The following DGKD variants were observed in gnomAD, a reference collection of about 807,000 sequenced individuals.
The protein encoded by DGKD is DAG kinase delta.
A neutral mutation model predicts 154.4 loss-of-function variants in DGKD; 68 were observed. The ratio of observed to expected loss-of-function variants is 0.44; its 90% CI spans 0.36 to 0.54. The LOEUF (loss-of-function observed/expected upper bound fraction) is 0.54, where lower values mean the gene tolerates loss of function less well. Among genes scored for constraint, DGKD ranks in the 20% least tolerant of loss-of-function variants. The probability of loss-of-function intolerance (pLI) is 0.00; values close to 1 mark genes in which losing one functional copy is unlikely to be tolerated. For synonymous variants in DGKD, 693 were observed against 638.0 expected (o/e 1.09, Z -1.30); for missense variants, 1,343 against 1,593.6 (o/e 0.84, Z 2.68).
At chr2:233,364,544 GGAA>G (rs1701934174) in intron 1 of DGKD, among the ~76,000 whole-genome samples, 1 of 152,164 alleles carries the variant, frequency 6.6e-6, no homozygotes, top group Non-Finnish European at 1.5e-5. Context: ...TCCATTTCCA[GGAA>G]GAAGAACAAA....
intron 5 of DGKD, 73 bp downstream of exon 5, chr2:233,434,974 A>G: frequency 1.3e-6 from 2 of 1,548,488 alleles, no homozygotes; most frequent in Admixed American, 1.8e-5. Context: ...TTGGAAATCC[A>G]AACCCAGTCA....
At position 233,469,503 on chromosome 2, in the gene DGKD, A is replaced by G. The variant is rs556065930; in HGVS notation, c.*43A>G. 6.5e-6 allele frequency: 10 copies of G among 1,529,296 alleles called. No homozygotes were observed. The East Asian group carries it at 2.2e-4, about 33-fold the overall frequency. 94.7% of individuals were successfully genotyped at this position (1,529,296 alleles called of 1,614,324 possible). ...TGTGGCCTCCACATCCCCGCCGCCG[A>G]GGCCTAGCCTCCGCCCTCTCAGCCT... is the stretch of plus-strand genomic sequence containing the variant. On this transcript the variant is annotated 3_prime_UTR_variant, in exon 30 of 30. Coordinates refer to ENST00000264057, the MANE Select transcript of DGKD (RefSeq NM_152879.3).
intron 1 of DGKD, chr2:233,385,879 C>T (rs200213111): frequency 1.2e-4 from 53 of 449,546 alleles, no homozygotes; most frequent in Non-Finnish European, 1.8e-4. Context: ...CAGCCTTTTC[C>T]GCTGAAACCC....
intron 3 of DGKD, among the ~76,000 whole-genome samples, chr2:233,432,766 TCATC>T (rs1288293203): frequency 6.6e-6 from 1 of 152,166 alleles, no homozygotes; most frequent in Non-Finnish European, 1.5e-5. Context: ...AAAAATCTAA[TCATC>T]CAGTTAAAAA....
intron 1 of DGKD, among the ~76,000 whole-genome samples, chr2:233,370,547 C>T (rs1234083253): frequency 1.4e-5 from 2 of 147,476 alleles, no homozygotes; most frequent in East Asian, 2.0e-4. Flanking sequence ...GGCTTATTTA[C>T]GTTGTACGTT....
At chr2:233,443,462 G>C (rs369482602) in intron 10 of DGKD, among the ~76,000 whole-genome samples, 2 of 152,064 alleles carry the variant, frequency 1.3e-5, no homozygotes, top group Admixed American at 6.5e-5. Flanking sequence ...ATCCTTTTTG[G>C]GGGGTGGTCT....
At chr2:233,388,071 G>T (rs1156744863) in intron 1 of DGKD, 186 bp from the exon 2 acceptor site, 2 of 1,362,116 alleles carry the variant, frequency 1.5e-6, no homozygotes, top group East Asian at 5.2e-5. Context: ...GACAGGATTG[G>T]TGCAACCCCC....
At chr2:233,411,076 C>T (rs2061817631) in intron 3 of DGKD, among the ~76,000 whole-genome samples, 1 of 151,980 alleles carries the variant, frequency 6.6e-6, no homozygotes, top group African/African-American at 2.4e-5. Flanking sequence ...TATGCATATT[C>T]CAGCATTTGT....
chr2:233,360,533 C>T (rs1285737505), intron 1 of DGKD, among the ~76,000 whole-genome samples: 1 of 152,046 alleles, frequency 6.6e-6, no homozygotes, highest in African/African-American at 2.4e-5. Context: ...GCTAGAATTA[C>T]AGACATGAGC....
At chr2:233,455,029 G>A (rs1478523448) in intron 19 of DGKD, among the ~76,000 whole-genome samples, 156 bp downstream of exon 19, 1 of 152,140 alleles carries the variant, frequency 6.6e-6, no homozygotes, top group African/African-American at 2.4e-5. Context: ...CAGAAGCACG[G>A]GTGCTTTCAG....
chr2:233,387,632 A>C (rs964663527), intron 1 of DGKD, among the ~76,000 whole-genome samples: 2 of 152,086 alleles, frequency 1.3e-5, no homozygotes, highest in African/African-American at 4.8e-5. Context: ...CTCGTAAGAG[A>C]ACGTCTTGTG....
intron 3 of DGKD, among the ~76,000 whole-genome samples, chr2:233,418,527 T>A (rs1301763728): frequency 6.6e-6 from 1 of 152,246 alleles, no homozygotes; most frequent in East Asian, 1.9e-4. Context: ...CTTTATGGGT[T>A]TCTAAAAAAA....
Position 233,445,097 on chromosome 2 carries a change from C to G in DGKD, c.1195-526C>G, listed in dbSNP as rs2063022500. Among the ~76,000 whole-genome samples the G allele has an allele frequency of 6.6e-6, 1 of 152,116 alleles. No homozygotes were observed. The highest frequency in any genetic ancestry group is 6.5e-5 in the Admixed American group (1 of 15,280). On this transcript the variant is annotated intron_variant, in intron 10 of 29. Transcript: ENST00000264057. The surrounding 1 kb of genome is among the most constrained non-coding windows in gnomAD (Gnocchi z 5.5). ...GCAGAGGCTGAGCTCTGGCAAGGCT[C>G]CAGGGTAGCCTCCAGACTGAGGATG...
At chr2:233,364,200 A>G (rs1406072075) in intron 1 of DGKD, among the ~76,000 whole-genome samples, 2 of 152,272 alleles carry the variant, frequency 1.3e-5, no homozygotes, top group East Asian at 3.8e-4. Context: ...CTGTGAACCC[A>G]GAATTCTGTA....
intron 1 of DGKD, among the ~76,000 whole-genome samples, chr2:233,357,014 C>G (rs1197083447): frequency 6.6e-6 from 1 of 151,802 alleles, no homozygotes; most frequent in Non-Finnish European, 1.5e-5. Context: ...ACTGAGAATG[C>G]AGGCTGCAAT....
At chr2:233,393,718 C>T (rs1385309266) in intron 3 of DGKD, among the ~76,000 whole-genome samples, 2 of 146,734 alleles carry the variant, frequency 1.4e-5, no homozygotes, top group African/African-American at 2.5e-5. Flanking sequence ...GAGTCTTGCT[C>T]CGTTGCCCAG....
chr2:233,405,833 A>T (rs838730), intron 3 of DGKD, among the ~76,000 whole-genome samples: 47,797 of 152,212 alleles, frequency 0.31, 8,483 homozygotes, highest in Middle Eastern at 0.45. Flanking sequence ...TGTAATAGCT[A>T]TATAATACTG....
intron 5 of DGKD, 86 bp downstream of exon 5, chr2:233,434,987 A>G (rs2062641846): frequency 6.5e-6 from 10 of 1,535,678 alleles, no homozygotes; most frequent in Non-Finnish European, 8.7e-6. Context: ...CCCAGTCACC[A>G]TAAATAAGCC....
chr2:233,357,055 G>C (rs1014991634), intron 1 of DGKD, among the ~76,000 whole-genome samples: 1 of 152,208 alleles, frequency 6.6e-6, no homozygotes, highest in Non-Finnish European at 1.5e-5. Flanking sequence ...CAACAAGCAG[G>C]AAACTGCTGC....
Sources: allele counts gnomAD v4.1 joint callset (sites outside exome capture counted in the v4.1 genomes callset), GRCh38; gene constraint gnomAD v4.1.1; non-coding constraint Gnocchi (gnomAD v3.1); transcripts MANE v1.5; gene names NCBI Gene and HGNC (gene_info 2026-07-23, HGNC 2026-07-21).